The following TANC2 variants were observed in gnomAD, a reference collection of about 807,000 sequenced individuals.
TANC2 encodes the protein protein TANC2.
TANC2 carries 26 observed loss-of-function variants against 210.5 expected under a neutral mutation model. The ratio of observed to expected loss-of-function variants is 0.12; its 90% CI spans 0.09 to 0.17. The LOEUF (loss-of-function observed/expected upper bound fraction) is 0.17, where lower values mean the gene tolerates loss of function less well. TANC2 is among the 10% of genes least tolerant of loss of function. The pLI, the probability that TANC2 is intolerant of heterozygous loss-of-function variation, is 1.00. For synonymous variants in TANC2, 931 were observed against 967.1 expected (o/e 0.96, Z 0.69); for missense variants, 2,129 against 2,608.9 (o/e 0.82, Z 4.01).
chr17:62,995,900 A>G (rs936731382), intron 1 of TANC2, among the ~76,000 whole-genome samples: 3 of 152,218 alleles, frequency 2.0e-5, no homozygotes, highest in Middle Eastern at 3.2e-3. Context: ...CAAGACCACA[A>G]TGAACAGTGA....
intron 2 of TANC2, among the ~76,000 whole-genome samples, chr17:63,057,566 G>A (rs796895634): frequency 5.3e-5 from 8 of 151,378 alleles, no homozygotes; most frequent in South Asian, 2.1e-4. Flanking sequence ...ATTTTTTTTC[G>A]ATCCTCTCTC....
chr17:63,373,965 C>A (rs946141467), intron 14 of TANC2, among the ~76,000 whole-genome samples: 2 of 149,380 alleles, frequency 1.3e-5, no homozygotes, highest in African/African-American at 5.0e-5. Flanking sequence ...CAGGCAATGG[C>A]GTGAGACTCT....
At chr17:63,005,491 A>T (rs909669341) in intron 1 of TANC2, among the ~76,000 whole-genome samples, 1 of 151,818 alleles carries the variant, frequency 6.6e-6, no homozygotes, top group Non-Finnish European at 1.5e-5. Context: ...CAAAAAAAAA[A>T]GCCTGCTGGA....
At chr17:63,310,669 C>T (rs1180896293) in intron 9 of TANC2, among the ~76,000 whole-genome samples, 1 of 152,098 alleles carries the variant, frequency 6.6e-6, no homozygotes, top group Admixed American at 6.5e-5. Context: ...ATAGCCAATA[C>T]ACATGTTTTT....
intron 1 of TANC2, among the ~76,000 whole-genome samples, chr17:62,999,225 C>T (rs1463509634): frequency 2.6e-5 from 4 of 152,148 alleles, no homozygotes; most frequent in Admixed American, 1.3e-4. Flanking sequence ...GTCTCTCACT[C>T]CTGCTCTGGC....
chr17:63,258,897 C>CAGGA (rs1429310066), intron 8 of TANC2, among the ~76,000 whole-genome samples: 1 of 152,130 alleles, frequency 6.6e-6, no homozygotes, highest in Non-Finnish European at 1.5e-5. Flanking sequence ...TTTCCTCAAG[C>CAGGA]AGGAGTCCTC....
chr17:63,289,850 G>A (rs1208857965), intron 9 of TANC2, among the ~76,000 whole-genome samples: 2 of 152,144 alleles, frequency 1.3e-5, no homozygotes, highest in Non-Finnish European at 1.5e-5. Flanking sequence ...ATGAGGAAGC[G>A]TTCTGTAGTT....
At chr17:63,380,353 G>C (rs954896078) in intron 15 of TANC2, among the ~76,000 whole-genome samples, 1 of 152,134 alleles carries the variant, frequency 6.6e-6, no homozygotes, top group Non-Finnish European at 1.5e-5. Context: ...TATAACATCA[G>C]CTTCTCTCTC....
At chr17:63,057,565 C>T (rs957879987) in intron 2 of TANC2, among the ~76,000 whole-genome samples, 7 of 151,672 alleles carry the variant, frequency 4.6e-5, no homozygotes, top group Non-Finnish European at 1.0e-4. Context: ...TATTTTTTTT[C>T]GATCCTCTCT....
chr17:62,983,022 G>A (rs1297442968), intron 1 of TANC2, among the ~76,000 whole-genome samples: 1 of 151,990 alleles, frequency 6.6e-6, no homozygotes, highest in East Asian at 1.9e-4. Flanking sequence ...ATTTTGGTAG[G>A]GATTCTATTG....
intron 2 of TANC2, among the ~76,000 whole-genome samples, chr17:63,073,623 CCTT>C (rs1041247815): frequency 3.3e-5 from 5 of 152,050 alleles, no homozygotes; most frequent in African/African-American, 7.2e-5. Context: ...TTAAATCAGG[CCTT>C]CTTAACTGGA....
Position 63,255,059 on chromosome 17 carries a change from TTTTATTTATTTATTTATTTA to T in TANC2, c.1034-12661_1034-12642del, listed in dbSNP as rs141802789. Reference sequence around the variant, plus strand: ...TTGAGTAGGATTGGGAATAGTTATTTTTTATTTATTTATTTATTTATTTATTTATTTATTTATTTATTTAT... The same window carrying T: ...TTGAGTAGGATTGGGAATAGTTATTTTTTATTTATTTATTTATTTATTTAT... On this transcript the variant is annotated intron_variant, in intron 8 of 27. Transcript: ENST00000689528. Among the ~76,000 whole-genome samples, 657 of 144,586 alleles carry T rather than the reference TTTTATTTATTTATTTATTTA, an allele frequency of 4.5e-3. 6 individuals carry two copies. Among genetic ancestry groups the T allele is most frequent in the African/African-American group, 0.016 (634 of 39,762 alleles). The allele number at this position is 144,586 out of a possible 152,430, so 94.9% of individuals were successfully genotyped here.
At chr17:63,115,318 A>C (rs1198870233) in intron 4 of TANC2, among the ~76,000 whole-genome samples, 1 of 152,200 alleles carries the variant, frequency 6.6e-6, no homozygotes, top group Admixed American at 6.5e-5. Flanking sequence ...GTTAGGTAGG[A>C]TAAAAAGTAA....
At chr17:63,393,925 C>T (rs921594131) in intron 17 of TANC2, among the ~76,000 whole-genome samples, 1 of 151,962 alleles carries the variant, frequency 6.6e-6, no homozygotes, top group African/African-American at 2.4e-5. Context: ...CACCCACCAC[C>T]ACACCCAGCT....
exon 19 of TANC2, chr17:63,398,897 G>C (rs776968832): frequency 1.3e-6 from 2 of 1,594,734 alleles, no homozygotes; most frequent in Non-Finnish European, 1.7e-6. Flanking sequence ...AGCTTTGACA[G>C]TCTCTGGGGA....
chr17:63,268,981 G>T (rs2043614697), intron 9 of TANC2, among the ~76,000 whole-genome samples: 2 of 152,098 alleles, frequency 1.3e-5, no homozygotes, highest in East Asian at 3.9e-4. Context: ...TCTTACGGAT[G>T]ATTTTCATCT....
At chr17:63,266,724 G>A (rs890047465) in intron 8 of TANC2, among the ~76,000 whole-genome samples, 2 of 152,132 alleles carry the variant, frequency 1.3e-5, no homozygotes, top group Admixed American at 1.3e-4. Flanking sequence ...CAAGTATTTG[G>A]TGGCAAAACA....
In TANC2 at chr17:63,089,382, G is replaced by A. The variant is rs114404547; in HGVS notation, c.140-9793G>A. Among the ~76,000 whole-genome samples the A allele has an allele frequency of 4.6e-3, 705 of 152,274 alleles. 5 individuals are homozygous for A. The highest frequency in any genetic ancestry group is 0.016 in the African/African-American group (681 of 41,544). On this transcript the variant is annotated intron_variant, in intron 3 of 27. Transcript: ENST00000689528. The stretch of plus-strand genomic sequence containing the variant: ...AGATACTTTCATTCTGGAGGAGTGA[G>A]AGAAATAAAAGAAGAAAGTCATATC...
chr17:63,138,989 T>C (rs1367665278), intron 4 of TANC2, among the ~76,000 whole-genome samples: 3 of 152,202 alleles, frequency 2.0e-5, no homozygotes, highest in African/African-American at 7.2e-5. Context: ...ATCCGTGGAA[T>C]TGAAGGCTAT....
Sources: gnomAD v4.1 joint callset for allele counts (sites outside exome capture counted in the v4.1 genomes callset) on GRCh38, gnomAD v4.1.1 for gene constraint, MANE v1.5 for transcripts, NCBI Gene and HGNC (gene_info 2026-07-23, HGNC 2026-07-21) for gene names.